Variants in NAALADL2 observed in about 807,000 individuals in gnomAD.
NAALADL2 encodes N-acetylated alpha-linked acidic dipeptidase like 2.
A neutral mutation model predicts 87.2 loss-of-function variants in NAALADL2; 76 were observed. That is an observed-to-expected ratio of 0.87 (90% CI 0.72 to 1.05). NAALADL2 has a LOEUF of 1.05. Among genes scored for constraint, NAALADL2 ranks in the 50% least tolerant of loss-of-function variants. NAALADL2 has a pLI of 0.00. For synonymous variants in NAALADL2, 354 were observed against 331.0 expected, an observed-to-expected ratio of 1.07 and a Z score of -0.75; for missense variants, 1,089 against 945.8, an observed-to-expected ratio of 1.15 and a Z score of -1.99.
At chr3:175,694,808 C>G (rs1010343820) in intron 11 of NAALADL2, among the ~76,000 whole-genome samples, 1 of 152,058 alleles carries the variant, frequency 6.6e-6, no homozygotes, top group Non-Finnish European at 1.5e-5. Flanking sequence ...TCTTCAGTCT[C>G]CCTGTTCAAC....
chr3:175,766,101 C>T (rs1014694285), intron 13 of NAALADL2, among the ~76,000 whole-genome samples: 3 of 152,070 alleles, frequency 2.0e-5, no homozygotes, highest in African/African-American at 7.2e-5. Context: ...GTTACATCCC[C>T]TAACTTGATA....
chr3:175,595,593 ATAAT>A (rs1294661913), intron 10 of NAALADL2, among the ~76,000 whole-genome samples: 1 of 152,062 alleles, frequency 6.6e-6, no homozygotes, highest in Non-Finnish European at 1.5e-5. Context: ...CTAAACACCA[ATAAT>A]GCCCAGGCTT....
chr3:175,695,744 G>T (rs1737704258), intron 11 of NAALADL2, among the ~76,000 whole-genome samples: 1 of 152,074 alleles, frequency 6.6e-6, no homozygotes, highest in African/African-American at 2.4e-5. Flanking sequence ...AAGTACAGGA[G>T]ATATTTTGGA....
intron 11 of NAALADL2, among the ~76,000 whole-genome samples, chr3:175,731,935 T>A (rs1444131865): frequency 1.3e-5 from 2 of 152,140 alleles, no homozygotes; most frequent in Non-Finnish European, 2.9e-5. Flanking sequence ...CAGTGCAAAC[T>A]GGAAAAAAAA....
chr3:174,455,583 AGT>A (rs1350975519), intron 1 of NAALADL2, among the ~76,000 whole-genome samples: 1 of 152,214 alleles, frequency 6.6e-6, no homozygotes, highest in Non-Finnish European at 1.5e-5. Flanking sequence ...GAAATCAGTA[AGT>A]GTGATTCATC....
chr3:175,077,301 G>A (rs1279651729), intron 1 of NAALADL2, among the ~76,000 whole-genome samples: 1 of 152,138 alleles, frequency 6.6e-6, no homozygotes, highest in Non-Finnish European at 1.5e-5. Flanking sequence ...CTACATCAAA[G>A]TGGCCTTTAG....
chr3:174,987,018 A>G (rs1340819352), intron 1 of NAALADL2, among the ~76,000 whole-genome samples: 1 of 152,208 alleles, frequency 6.6e-6, no homozygotes. Context: ...TTAAAAATTT[A>G]CAAACTAAAT....
At chr3:174,479,063 ACT>A (rs1717391758) in intron 1 of NAALADL2, among the ~76,000 whole-genome samples, 1 of 152,064 alleles carries the variant, frequency 6.6e-6, no homozygotes, top group South Asian at 2.1e-4. Context: ...TGCCTTACAT[ACT>A]CTCTACACTT....
At chr3:175,203,099 G>A (rs1475688040) in intron 2 of NAALADL2, among the ~76,000 whole-genome samples, 1 of 152,184 alleles carries the variant, frequency 6.6e-6, no homozygotes, top group East Asian at 1.9e-4. Flanking sequence ...CACACCTATG[G>A]AGTCTGCACA....
chr3:174,453,392 A>G (rs1179459881), intron 1 of NAALADL2, among the ~76,000 whole-genome samples: 2 of 107,856 alleles, frequency 1.9e-5, no homozygotes, highest in South Asian at 6.6e-4. Flanking sequence ...TAGAGAGGCC[A>G]ACATTCAAAT....
In NAALADL2 at chr3:174,501,260, A is replaced by T. The variant is rs564032855; in HGVS notation, c.-183-49309A>T. ...CGCCCGGCTAATTTTTTGTATTTTT[A>T]GTAGAGACGGGGTTTCACCGTTTTA... is the stretch of plus-strand genomic sequence containing the variant. On this transcript the variant is annotated intron_variant, in intron 1 of 3. Transcript: ENST00000434257. Among the ~76,000 whole-genome samples, 720 of 147,918 alleles carry T rather than the reference A, an allele frequency of 4.9e-3. 8 individuals are homozygous for T. The highest frequency in any genetic ancestry group is 0.01 in the Middle Eastern group (3 of 294).
chr3:174,777,673 C>A (rs1216140630), intron 3 of NAALADL2, among the ~76,000 whole-genome samples: 1 of 152,050 alleles, frequency 6.6e-6, no homozygotes, highest in Admixed American at 6.6e-5. Context: ...ACTATTCTTT[C>A]TGTCTGGATG....
chr3:175,263,008 A>G (rs975029608), intron 4 of NAALADL2, among the ~76,000 whole-genome samples: 11 of 151,548 alleles, frequency 7.3e-5, no homozygotes, highest in East Asian at 3.9e-4. Flanking sequence ...GCAAAAAAAA[A>G]AAAAACAAAA....
At chr3:175,503,552 G>C (rs1167101671) in intron 9 of NAALADL2, among the ~76,000 whole-genome samples, 1 of 152,154 alleles carries the variant, frequency 6.6e-6, no homozygotes, top group Non-Finnish European at 1.5e-5. Context: ...CACTAGCAAT[G>C]TGTAAGTGTT....
chr3:174,895,217 A>G (rs1477885833), intron 1 of NAALADL2, among the ~76,000 whole-genome samples: 1 of 152,144 alleles, frequency 6.6e-6, no homozygotes, highest in Non-Finnish European at 1.5e-5. Flanking sequence ...GAAATAAACA[A>G]TACAAAAGAT....
intron 1 of NAALADL2, among the ~76,000 whole-genome samples, chr3:174,500,650 C>A (rs1718822107): frequency 6.6e-6 from 1 of 151,986 alleles, no homozygotes; most frequent in South Asian, 2.1e-4. Flanking sequence ...CCTTCTATTC[C>A]TAGTAGGCTG....
At chr3:175,299,304 T>G (rs2110205306) in intron 4 of NAALADL2, among the ~76,000 whole-genome samples, 1 of 152,080 alleles carries the variant, frequency 6.6e-6, no homozygotes, top group Non-Finnish European at 1.5e-5. Context: ...TGTTTTTGTT[T>G]TTGTTTTTTT....
At chr3:174,890,677 G>C (rs1730757486) in intron 1 of NAALADL2, among the ~76,000 whole-genome samples, 1 of 152,234 alleles carries the variant, frequency 6.6e-6, no homozygotes, top group East Asian at 1.9e-4. Context: ...CCAAAAACAA[G>C]TGTGAGAACC....
In NAALADL2 at chr3:175,540,219, T is replaced by C. The variant is rs963220513; in HGVS notation, c.1654-35822T>C. ...GAGGACAGAGAGTAAGAGGTATTAA[T>C]TAAGCAGTGTCATCAAGAAAGATCT... On this transcript the variant is annotated intron_variant, in intron 9 of 13. Transcript: ENST00000454872. Among the ~76,000 whole-genome samples the C allele has an allele frequency of 4.6e-5, 7 of 152,164 alleles. No individual in the cohort carries two copies. In the South Asian group the frequency reaches 1.0e-3, roughly 23 times the overall value.
Sources: allele counts gnomAD v4.1 joint callset (sites outside exome capture counted in the v4.1 genomes callset), GRCh38; gene constraint gnomAD v4.1.1; transcripts MANE v1.5; gene names NCBI Gene and HGNC (gene_info 2026-07-23, HGNC 2026-07-21).